PARD3B: variants seen among roughly 807,000 people sequenced by gnomAD.
The protein encoded by PARD3B is partitioning defective 3 homolog B.
PARD3B carries 103 observed loss-of-function variants against 130.2 expected under a neutral mutation model. The observed-to-expected ratio is 0.79, with a 90% CI of 0.67 to 0.93. The LOEUF is 0.93. Among genes scored for constraint, PARD3B ranks in the 40% least tolerant of loss-of-function variants. The probability of loss-of-function intolerance (pLI) is 0.00; values close to 1 mark genes in which losing one functional copy is unlikely to be tolerated. For missense variants in PARD3B, 1,609 were observed against 1,499.2 expected (o/e 1.07, Z -1.21); for synonymous variants, 583 against 553.2 (o/e 1.05, Z -0.76).
chr2:205,240,546 A>C (rs1241611713), intron 15 of PARD3B, among the ~76,000 whole-genome samples: 1 of 152,170 alleles, frequency 6.6e-6, no homozygotes. Context: ...GAATCTGAAC[A>C]CATTTGCATA....
At chr2:205,455,856 T>C (rs557651086) in intron 20 of PARD3B, among the ~76,000 whole-genome samples, 1 of 152,110 alleles carries the variant, frequency 6.6e-6, no homozygotes, top group South Asian at 2.1e-4. Flanking sequence ...GTCACACAGG[T>C]AGATCCACGT....
intron 2 of PARD3B, among the ~76,000 whole-genome samples, chr2:204,853,552 G>A (rs774466793): frequency 9.2e-5 from 14 of 152,154 alleles, no homozygotes; most frequent in Non-Finnish European, 1.6e-4. Context: ...ATGGAAGTCA[G>A]TACTGGAACT....
At chr2:205,578,320 G>A (rs951680393) in intron 22 of PARD3B, among the ~76,000 whole-genome samples, 2 of 152,140 alleles carry the variant, frequency 1.3e-5, no homozygotes, top group African/African-American at 4.8e-5. Flanking sequence ...TCCAAAGCAA[G>A]AGGTTTATAT....
intron 5 of PARD3B, among the ~76,000 whole-genome samples, chr2:205,106,983 C>T (rs1318267903): frequency 6.6e-6 from 1 of 152,154 alleles, no homozygotes; most frequent in Non-Finnish European, 1.5e-5. Context: ...GTCTGAATTA[C>T]ATGGTCCATA....
chr2:205,499,287 G>C (rs1232997919), intron 20 of PARD3B, among the ~76,000 whole-genome samples: 2 of 148,814 alleles, frequency 1.3e-5, no homozygotes, highest in South Asian at 4.2e-4. Context: ...GGATTAGCAC[G>C]TTCTACTCTA....
chr2:205,235,885 C>T (rs959154794), intron 15 of PARD3B, among the ~76,000 whole-genome samples: 2 of 152,098 alleles, frequency 1.3e-5, no homozygotes, highest in Admixed American at 6.5e-5. Context: ...GAGCAGAAAT[C>T]AATGCGTTAG....
chr2:204,805,660 C>A (rs965028221), intron 2 of PARD3B, among the ~76,000 whole-genome samples: 2 of 152,072 alleles, frequency 1.3e-5, no homozygotes, highest in Admixed American at 1.3e-4. Context: ...AAAAAGTCCT[C>A]AAAAATCCCA....
chr2:205,102,825 G>A (rs904350856), intron 4 of PARD3B, among the ~76,000 whole-genome samples: 2 of 152,078 alleles, frequency 1.3e-5, no homozygotes, highest in African/African-American at 4.8e-5. Flanking sequence ...CAGCACTTGG[G>A]AGGCCAAGAC....
At chr2:205,103,079 TATA>T (rs1702899947) in intron 4 of PARD3B, among the ~76,000 whole-genome samples, 5 of 126,754 alleles carry the variant, frequency 3.9e-5, no homozygotes, top group Non-Finnish European at 9.0e-5. Context: ...AATAAAAATA[TATA>T]TTTTTTTATT....
rs149258300 is a variant in PARD3B at position 204,729,283 on chromosome 2, A to G, written c.222+43001A>G. On this transcript the variant is annotated intron_variant, in intron 2 of 22. Coordinates refer to ENST00000406610, the MANE Select transcript of PARD3B (RefSeq NM_001302769.2). Reference sequence around the variant, plus strand: ...TCATTGCCAAATCTTTTCTACATTGATACTGATGTCTCTTTCAGAACTGGC... The same window carrying G: ...TCATTGCCAAATCTTTTCTACATTGGTACTGATGTCTCTTTCAGAACTGGC... Among the ~76,000 whole-genome samples, 81 of 152,304 alleles carry G rather than the reference A, an allele frequency of 5.3e-4. No homozygotes were observed. The East Asian group carries it at 0.014, about 27-fold the overall frequency.
At position 205,274,056 on chromosome 2, in the gene PARD3B, T is replaced by G. The variant is rs140425773; in HGVS notation, c.2186-26474T>G. ...GAGGATTGGCTCCTGTTTTGTGTTA[T>G]CCATATTATTAGCTCAGCTCATCTA... On this transcript the variant is annotated intron_variant, in intron 16 of 22. Transcript: ENST00000406610. The surrounding 1 kb of genome is among the most constrained non-coding windows in gnomAD (Gnocchi z 4.2). 6.6e-6 allele frequency among the ~76,000 whole-genome samples: 1 copy of G among 152,220 alleles called. No homozygotes were observed. Among genetic ancestry groups the G allele is most frequent in the African/African-American group, 2.4e-5 (1 of 41,456 alleles).
chr2:205,447,447 G>T (rs1362302781), intron 20 of PARD3B, among the ~76,000 whole-genome samples: 1 of 152,122 alleles, frequency 6.6e-6, no homozygotes, highest in Non-Finnish European at 1.5e-5. Flanking sequence ...GCACGATCTT[G>T]GCTCACTGCA....
At chr2:204,989,613 C>G (rs149848034) in intron 3 of PARD3B, among the ~76,000 whole-genome samples, 245 of 152,090 alleles carry the variant, frequency 1.6e-3, no homozygotes, top group African/African-American at 5.7e-3. Flanking sequence ...AATAATCATT[C>G]CTTTGCTTTT....
intron 3 of PARD3B, among the ~76,000 whole-genome samples, chr2:204,985,961 C>T (rs1326530997): frequency 2.0e-5 from 3 of 151,628 alleles, no homozygotes; most frequent in Non-Finnish European, 2.9e-5. Context: ...GTTAGCCGGG[C>T]GTGATGGCAG....
At chr2:205,315,399 A>G (rs1673821727) in intron 18 of PARD3B, among the ~76,000 whole-genome samples, 1 of 152,180 alleles carries the variant, frequency 6.6e-6, no homozygotes, top group South Asian at 2.1e-4. Context: ...ATCCATTCAT[A>G]GTATTCTGCC....
At chr2:204,898,064 C>A (rs536728345) in intron 2 of PARD3B, among the ~76,000 whole-genome samples, 1 of 151,708 alleles carries the variant, frequency 6.6e-6, no homozygotes, top group East Asian at 1.9e-4. Context: ...CACACCAATA[C>A]ACTGTATACT....
chr2:204,678,406 AC>A lies in PARD3B; in HGVS notation c.121-7772del, dbSNP rs1424176357. 6.6e-6 allele frequency among the ~76,000 whole-genome samples: 1 copy of A among 151,804 alleles called. No individual in the cohort carries two copies. Among genetic ancestry groups the A allele is most frequent in the African/African-American group, 2.4e-5 (1 of 41,338 alleles). On this transcript the variant is annotated intron_variant, in intron 1 of 22. Coordinates refer to ENST00000406610, the MANE Select transcript of PARD3B (RefSeq NM_001302769.2). The surrounding 1 kb of genome is among the most constrained non-coding windows in gnomAD (Gnocchi z 4.2). ...GTGACATATACCCTGCCCTCTTGGT[AC>A]CCGGGTTCTTGTCTGGCATCCAGGA...
At chr2:205,106,488 TG>T (rs2125581333) in intron 5 of PARD3B, among the ~76,000 whole-genome samples, 1 of 4,604 alleles carries the variant, frequency 2.2e-4, no homozygotes, top group Non-Finnish European at 5.7e-4. Context: ...TGTATGTGTG[TG>T]TGTGTGTGTG....
chr2:204,798,821 A>C (rs1286475290), intron 2 of PARD3B, among the ~76,000 whole-genome samples: 2 of 152,112 alleles, frequency 1.3e-5, no homozygotes, highest in South Asian at 2.1e-4. Flanking sequence ...GGAAGGATCC[A>C]GTCCTGGCAA....
Sources: gnomAD v4.1 joint callset for allele counts (sites outside exome capture counted in the v4.1 genomes callset) on GRCh38, gnomAD v4.1.1 for gene constraint, Gnocchi (gnomAD v3.1) non-coding constraint, MANE v1.5 for transcripts, NCBI Gene and HGNC (gene_info 2026-07-23, HGNC 2026-07-21) for gene names.